Variants in LOXHD1 observed in about 807,000 individuals in gnomAD.
The protein encoded by LOXHD1 is lipoxygenase homology domain-containing protein 1.
Under a neutral mutation model 248.2 loss-of-function variants are expected in LOXHD1, and 205 were observed. The ratio of observed to expected loss-of-function variants is 0.83; its 90% CI spans 0.74 to 0.93. The LOEUF (loss-of-function observed/expected upper bound fraction) is 0.93, where lower values mean the gene tolerates loss of function less well. Ranked by LOEUF, LOXHD1 falls within the 40% of genes least tolerant of loss-of-function variation. The pLI is 0.00. For synonymous variants in LOXHD1, 1,113 were observed against 1,162.8 expected (o/e 0.96, Z 0.87); for missense variants, 2,930 against 2,971.6 (o/e 0.99, Z 0.33).
rs80008996 is a variant in LOXHD1, at chr18:46,527,164, G to A, written c.4530+2013C>T. Among the ~76,000 whole-genome samples, 1,448 of 151,340 alleles carry A rather than the reference G, an allele frequency of 9.6e-3. 20 individuals carry two copies. The highest frequency in any genetic ancestry group is 0.034 in the African/African-American group (1,384 of 41,264). On this transcript the variant is annotated intron_variant, in intron 29 of 40. Transcript: ENST00000642948. ...AAAAAAAAAACGGAATCTGAACGCAGAGGGGAATGGCTTGCATCACCTTCA... is the reference window on the plus strand; with the variant it reads ...AAAAAAAAAACGGAATCTGAACGCAAAGGGGAATGGCTTGCATCACCTTCA...
At chr18:46,563,599 G>A (rs950240744) in intron 17 of LOXHD1, among the ~76,000 whole-genome samples, 7 of 152,116 alleles carry the variant, frequency 4.6e-5, no homozygotes, top group Non-Finnish European at 1.0e-4. Context: ...AAATGTCATT[G>A]CCATTGTAAC....
At chr18:46,557,905 C>T in intron 20 of LOXHD1, 19 of 1,088,902 alleles carry the variant, frequency 1.7e-5, no homozygotes, top group Non-Finnish European at 2.1e-5. Context: ...TAAGTACCTG[C>T]TATGAGCTGG....
intron 37 of LOXHD1, 75 bp from the exon 38 acceptor site, chr18:46,489,217 A>G (rs2033292924): frequency 1.4e-6 from 2 of 1,451,406 alleles, no homozygotes; most frequent in Non-Finnish European, 1.9e-6. Context: ...CATCCCCACA[A>G]CCCATTGGCT....
At chr18:46,564,119 C>T (rs1315205969) in intron 17 of LOXHD1, among the ~76,000 whole-genome samples, 1 of 149,652 alleles carries the variant, frequency 6.7e-6, no homozygotes, top group Non-Finnish European at 1.5e-5. Context: ...TGTGTGTGTG[C>T]ACGCACACAC....
intron 4 of LOXHD1, among the ~76,000 whole-genome samples, chr18:46,626,047 T>C (rs905611354): frequency 2.0e-5 from 3 of 152,218 alleles, no homozygotes; most frequent in Non-Finnish European, 2.9e-5. Flanking sequence ...AGCCTTAACA[T>C]TGTGCAAATC....
intron 37 of LOXHD1, among the ~76,000 whole-genome samples, chr18:46,504,123 T>C (rs996881812): frequency 1.3e-4 from 19 of 151,768 alleles, no homozygotes; most frequent in African/African-American, 4.6e-4. Flanking sequence ...TGTTTTGTTT[T>C]GTTTTTTTTT....
chr18:46,494,490 G>C (rs1273815731), intron 37 of LOXHD1, among the ~76,000 whole-genome samples: 1 of 152,160 alleles, frequency 6.6e-6, no homozygotes, highest in African/African-American at 2.4e-5. Context: ...ATAATAAATG[G>C]TTTGAAGTAA....
At chr18:46,653,233 C>T (rs539745818) in intron 1 of LOXHD1, among the ~76,000 whole-genome samples, 6 of 151,900 alleles carry the variant, frequency 3.9e-5, no homozygotes, top group African/African-American at 9.7e-5. Context: ...GGTGACAGAG[C>T]GAGACTCCAT....
chr18:46,523,687 C>T (rs1007014900), intron 31 of LOXHD1, among the ~76,000 whole-genome samples: 2 of 152,004 alleles, frequency 1.3e-5, no homozygotes, highest in Non-Finnish European at 2.9e-5. Flanking sequence ...CTGTCTCTTC[C>T]TGGCTGGAAT....
chr18:46,498,383 A>G (rs1035701045), intron 37 of LOXHD1, among the ~76,000 whole-genome samples: 2 of 152,218 alleles, frequency 1.3e-5, no homozygotes, highest in Admixed American at 6.5e-5. Context: ...TGTTCCCCAG[A>G]AGGTTCTTCC....
At chr18:46,630,035 A>G (rs2038799910) in intron 4 of LOXHD1, among the ~76,000 whole-genome samples, 1 of 152,232 alleles carries the variant, frequency 6.6e-6, no homozygotes, top group Admixed American at 6.5e-5. Flanking sequence ...CAAGAAGATT[A>G]CATGCCCCCT....
At chr18:46,521,603 G>A (rs2035581269) in intron 32 of LOXHD1, among the ~76,000 whole-genome samples, 2 of 152,174 alleles carry the variant, frequency 1.3e-5, no homozygotes, top group South Asian at 4.1e-4. Context: ...GGGCCTCATG[G>A]TGGGGAATGG....
At chr18:46,563,515 A>G (rs2075468594) in intron 17 of LOXHD1, among the ~76,000 whole-genome samples, 1 of 152,178 alleles carries the variant, frequency 6.6e-6, no homozygotes, top group South Asian at 2.1e-4. Flanking sequence ...GAGGAGTCAC[A>G]TACCAGCTGG....
chr18:46,559,372 C>T (rs2037459474), intron 20 of LOXHD1, 76 bp downstream of exon 20: 22 of 1,550,268 alleles, frequency 1.4e-5, no homozygotes, highest in East Asian at 4.9e-5. Flanking sequence ...CATTGTGCTG[C>T]GATGGGCTGC....
intron 21 of LOXHD1, among the ~76,000 whole-genome samples, chr18:46,554,947 T>C (rs1568178605): frequency 6.6e-6 from 1 of 152,116 alleles, no homozygotes; most frequent in Non-Finnish European, 1.5e-5. Context: ...CCAAGAGGAT[T>C]TTTTTTTCAA....
chr18:46,569,103 C>A (rs1300226463), intron 16 of LOXHD1, among the ~76,000 whole-genome samples: 1 of 150,860 alleles, frequency 6.6e-6, no homozygotes, highest in Non-Finnish European at 1.5e-5. Flanking sequence ...GTTCAGTCTC[C>A]TTCTCCAGTG....
At position 46,529,244 on chromosome 18, in the gene LOXHD1, A is replaced by C. The variant is rs1225497693; in HGVS notation, c.4463T>G (p.Leu1488Arg). 3.2e-6 allele frequency: 5 copies of C among 1,551,508 alleles called. No homozygotes were observed. The highest frequency in any genetic ancestry group is 4.4e-6 in the Non-Finnish European group (5 of 1,146,962). The part of the protein sequence containing the change: ...AKVYITIYGD[L>R]GDTGERYLGK... ...AAGGTATCGCTCCCCAGTGTCCCCGAGGTCTCCATAGATGGTGATGTACAC... is the reference window on the plus strand; with the variant it reads ...AAGGTATCGCTCCCCAGTGTCCCCGCGGTCTCCATAGATGGTGATGTACAC... The change falls in exon 29 of 41, where the codon CTC (leucine) becomes CGC (arginine). Residue 1488 changes from leucine to arginine, a missense_variant. Coordinates refer to ENST00000642948, the MANE Select transcript of LOXHD1 (RefSeq NM_001384474.1).
At chr18:46,582,980 C>G (rs1188795549) in intron 12 of LOXHD1, among the ~76,000 whole-genome samples, 2 of 152,124 alleles carry the variant, frequency 1.3e-5, no homozygotes, top group Non-Finnish European at 2.9e-5. Context: ...AAAAGGAAGA[C>G]AGGAGTAGTG....
chr18:46,518,078 G>A (rs531570457), intron 34 of LOXHD1, 51 bp downstream of exon 34: 1 of 1,548,944 alleles, frequency 6.5e-7, no homozygotes, highest in South Asian at 1.2e-5. Flanking sequence ...TGGGGCAGAG[G>A]GGGAGAGTTG....
Sources: allele counts gnomAD v4.1 joint callset (sites outside exome capture counted in the v4.1 genomes callset), GRCh38; gene constraint gnomAD v4.1.1; transcripts MANE v1.5; gene names NCBI Gene and HGNC (gene_info 2026-07-23, HGNC 2026-07-21).